Variants in ZBTB10 observed in about 807,000 individuals in gnomAD.
ZBTB10 encodes the protein zinc finger and BTB domain containing 10.
ZBTB10 carries 32 observed loss-of-function variants against 76.4 expected under a neutral mutation model. That is an observed-to-expected ratio of 0.42 (90% CI 0.32 to 0.56). ZBTB10 has a LOEUF of 0.56. Ranked by LOEUF, ZBTB10 falls within the 20% of genes least tolerant of loss-of-function variation. ZBTB10 has a pLI of 0.14. For synonymous variants in ZBTB10, 523 were observed against 432.9 expected (o/e 1.21, Z -2.58); for missense variants, 1,057 against 1,098.5 (o/e 0.96, Z 0.53).
rs114603759 is a variant in ZBTB10 at position 80,491,069 on chromosome 8, T to G, written c.972+3287T>G. Among the ~76,000 whole-genome samples, 659 of 152,300 alleles carry G rather than the reference T, an allele frequency of 4.3e-3. 4 individuals are homozygous for G. Among genetic ancestry groups the G allele is most frequent in the African/African-American group, 0.01 (418 of 41,566 alleles). On this transcript the variant is annotated intron_variant, in intron 1 of 5. Transcript: ENST00000455036. ...GTGTAGCCTAAGTGTACGGTGCTCA[T>G]AAAATCTACAGCAGTGTATGGTAAT...
At chr8:80,515,780 G>C (rs1057024822) in intron 3 of ZBTB10, among the ~76,000 whole-genome samples, 10 of 152,038 alleles carry the variant, frequency 6.6e-5, no homozygotes, top group Admixed American at 2.0e-4. Context: ...TTTTTCCTTA[G>C]TTTTCTATTG....
intron 2 of ZBTB10, among the ~76,000 whole-genome samples, chr8:80,510,639 A>AGTGTGGGGGTGTGTGT (rs60169757): frequency 1.5e-3 from 185 of 125,782 alleles, no homozygotes; most frequent in African/African-American, 5.3e-3. Context: ...TTGTGAAACC[A>AGTGTGGGGGTGTGTGT]GTGTGTGTGT....
chr8:80,509,309 T>C (rs1364610172), intron 2 of ZBTB10, among the ~76,000 whole-genome samples: 1 of 152,230 alleles, frequency 6.6e-6, no homozygotes, highest in Non-Finnish European at 1.5e-5. Context: ...TGAGTAGATC[T>C]GAGTCTGAGT....
At chr8:80,492,062 CTTGG>C (rs1815644997) in intron 1 of ZBTB10, among the ~76,000 whole-genome samples, 1 of 152,048 alleles carries the variant, frequency 6.6e-6, no homozygotes, top group South Asian at 2.1e-4. Flanking sequence ...TGGTTGGTTA[CTTGG>C]TTGGTTTTTA....
Position 80,519,602 on chromosome 8 carries a change from A to G in ZBTB10, c.*74A>G. 1 of 1,426,618 alleles carries G rather than the reference A, an allele frequency of 7.0e-7. No homozygotes were observed. Among genetic ancestry groups the G allele is most frequent in the Non-Finnish European group, 9.4e-7 (1 of 1,059,692 alleles). The allele number at this position is 1,426,618 out of a possible 1,614,324, so 88.4% of individuals were successfully genotyped here. A position where few individuals can be genotyped will look rare whatever the true frequency, so the allele number is the denominator to read the frequency against. The stretch of plus-strand genomic sequence containing the variant: ...TCGACAATTTGGATTGTTGAACTTG[A>G]AGGCTTGCAAAATATGGTACATGCT... On this transcript the variant is annotated 3_prime_UTR_variant, in exon 6 of 6. Coordinates refer to ENST00000455036, the MANE Select transcript of ZBTB10 (RefSeq NM_001105539.3).
chr8:80,489,861 G>A (rs531696793), intron 1 of ZBTB10, among the ~76,000 whole-genome samples: 1 of 152,182 alleles, frequency 6.6e-6, no homozygotes, highest in Admixed American at 6.5e-5. Context: ...CTCCTTGATT[G>A]GATTTTGGGT....
chr8:80,514,645 A>G (rs192425277), intron 3 of ZBTB10, among the ~76,000 whole-genome samples: 204 of 152,372 alleles, frequency 1.3e-3, no homozygotes, highest in Non-Finnish European at 2.1e-3. Flanking sequence ...TTGTTGGGGA[A>G]TATCATATTC....
rs537446139 is a variant in ZBTB10 at position 80,486,601 on chromosome 8, CCGGCAG to C, written c.-194_-189del. ...CGAGAGAGCGGTCGGAGGCGTCGGC[CCGGCAG>C]CGGCAGCGGCAGCGGACGCGTGCAG... On this transcript the variant is annotated 5_prime_UTR_variant, in exon 1 of 6. Transcript: ENST00000455036. The C allele has an allele frequency of 1.2e-4, 116 of 987,174 alleles. No homozygotes were observed. The highest frequency in any genetic ancestry group is 1.2e-4 in the Admixed American group (2 of 16,330). 61.2% of individuals were successfully genotyped at this position (987,174 alleles called of 1,614,324 possible). A position where few individuals can be genotyped will look rare whatever the true frequency, so the allele number is the denominator to read the frequency against.
intron 1 of ZBTB10, 134 bp downstream of exon 1, chr8:80,487,916 A>G (rs1815522099): frequency 9.4e-7 from 1 of 1,068,112 alleles, no homozygotes; most frequent in African/African-American, 1.6e-5. Flanking sequence ...TCCAGTTGAG[A>G]GGTGCGGGAA....
At chr8:80,498,018 C>G (rs1045196183) in intron 1 of ZBTB10, among the ~76,000 whole-genome samples, 1 of 152,116 alleles carries the variant, frequency 6.6e-6, no homozygotes, top group South Asian at 2.1e-4. Context: ...GGGAGCAGCA[C>G]TATAATTTTT....
chr8:80,491,527 A>C (rs1396949292), intron 1 of ZBTB10, among the ~76,000 whole-genome samples: 3 of 152,176 alleles, frequency 2.0e-5, no homozygotes, highest in African/African-American at 7.2e-5. Context: ...TCCTTCTGTT[A>C]ATTGGACCTT....
intron 1 of ZBTB10, among the ~76,000 whole-genome samples, chr8:80,494,704 G>GC (rs56383596): frequency 0.052 from 7,843 of 151,966 alleles, 300 homozygotes; most frequent in South Asian, 0.13. Context: ...GATTGCTTGA[G>GC]CCCAGGAGTT....
chr8:80,498,730 A>G (rs1446341657), intron 1 of ZBTB10, among the ~76,000 whole-genome samples: 5 of 152,244 alleles, frequency 3.3e-5, no homozygotes, highest in Admixed American at 3.3e-4. Flanking sequence ...TCTTACGATT[A>G]TATCACATAA....
Position 80,518,963 on chromosome 8 carries a change from CTT to C in ZBTB10, c.2310+11_2310+12del. ...TAAAAAGACATTCCCTGGTAAGTAA[CTT>C]TAAATACAGCTGATCTTTGAGATAA... On this transcript the variant is annotated intron_variant, in intron 5 of 5. Transcript: ENST00000455036. 6.3e-7 allele frequency: 1 copy of C among 1,585,178 alleles called. No homozygotes were observed. Among genetic ancestry groups the C allele is most frequent in the Non-Finnish European group, 8.6e-7 (1 of 1,164,320 alleles).
intron 2 of ZBTB10, among the ~76,000 whole-genome samples, chr8:80,513,686 T>A (rs1816255063): frequency 6.6e-6 from 1 of 152,094 alleles, no homozygotes; most frequent in African/African-American, 2.4e-5. Flanking sequence ...GAAACAGGAG[T>A]GGCACCTAAT....
chr8:80,517,871 C>CTTTTTTT lies in ZBTB10; in HGVS notation c.1961-513_1961-507dup, dbSNP rs773074047. Among the ~76,000 whole-genome samples, 34 of 76,844 alleles carry CTTTTTTT rather than the reference C, an allele frequency of 4.4e-4. 2 individuals carry two copies. Among genetic ancestry groups the CTTTTTTT allele is most frequent in the African/African-American group, 1.4e-3 (24 of 16,582 alleles). The allele number at this position is 76,844 out of a possible 152,430, so 50.4% of individuals were successfully genotyped here. On this transcript the variant is annotated intron_variant, in intron 3 of 5. Transcript: ENST00000455036. ...CATGTTTTTTTCTCCCGCCCGCCAC[C>CTTTTTTT]TTTTTTTTTTTTTTTTTTTTTTTTT...
rs532729382 is a variant in ZBTB10, at chr8:80,509,651, A to G, written c.1862-4259A>G. Among the ~76,000 whole-genome samples, 77 of 152,270 alleles carry G rather than the reference A, an allele frequency of 5.1e-4. 1 individual carries two copies. Among genetic ancestry groups the G allele is most frequent in the Non-Finnish European group, 8.8e-4 (60 of 68,022 alleles). ...CTTGTTTTGTCTTGTACTTTGCTCA[A>G]TATTTTCATTTACTAATATCATTGG... On this transcript the variant is annotated intron_variant, in intron 2 of 5. Coordinates refer to ENST00000455036, the MANE Select transcript of ZBTB10 (RefSeq NM_001105539.3).
rs1268297823 is a variant in ZBTB10 at position 80,487,171 on chromosome 8, C to A, written c.361C>A (p.Arg121=). The A allele has an allele frequency of 2.0e-6, 3 of 1,529,746 alleles. No individual in the cohort carries two copies. Among genetic ancestry groups the A allele is most frequent in the Non-Finnish European group, 2.6e-6 (3 of 1,140,518 alleles). 94.8% of individuals were successfully genotyped at this position (1,529,746 alleles called of 1,614,324 possible). ...GGPLLAERNR[R]TLAFRGGGGG... is the part of the protein sequence containing the mutation. ...CCCCCTGCTAGCGGAAAGGAACCGT[C>A]GGACTCTGGCCTTCCGAGGCGGCGG... The change falls in exon 1 of 6, where the codon CGG becomes AGG. Residue 121 remains arginine, a synonymous_variant. Transcript: ENST00000455036.
At chr8:80,493,207 G>GCGTGCACA (rs375071529) in intron 1 of ZBTB10, among the ~76,000 whole-genome samples, 2 of 125,244 alleles carry the variant, frequency 1.6e-5, no homozygotes, top group Non-Finnish European at 3.4e-5. Flanking sequence ...GCGCGCGCGC[G>GCGTGCACA]CACACACACA....
Sources: allele counts gnomAD v4.1 joint callset (sites outside exome capture counted in the v4.1 genomes callset), GRCh38; gene constraint gnomAD v4.1.1; transcripts MANE v1.5; gene names NCBI Gene and HGNC (gene_info 2026-07-23, HGNC 2026-07-21).